Variants in MMS22L observed in about 807,000 individuals in gnomAD.
The protein encoded by MMS22L is protein MMS22-like.
In MMS22L, 74 loss-of-function variants were observed where a neutral mutation model predicts 159.1. The ratio of observed to expected loss-of-function variants is 0.47; its 90% CI spans 0.39 to 0.56. The LOEUF (loss-of-function observed/expected upper bound fraction) is 0.56, where lower values mean the gene tolerates loss of function less well. Among genes scored for constraint, MMS22L ranks in the 20% least tolerant of loss-of-function variants. The pLI is 0.00. For synonymous variants in MMS22L, 517 were observed against 506.9 expected, an observed-to-expected ratio of 1.02 and a Z score of -0.27; for missense variants, 1,351 against 1,422.1, an observed-to-expected ratio of 0.95 and a Z score of 0.80.
Position 97,145,313 on chromosome 6 carries a change from T to G in MMS22L, c.*1493A>C, listed in dbSNP as rs1205732863. The G allele has an allele frequency of 6.6e-6, 1 of 152,144 alleles. No homozygotes were observed. The highest frequency in any genetic ancestry group is 1.5e-5 in the Non-Finnish European group (1 of 68,012). The allele number at this position is 152,144 out of a possible 1,614,324, so 9.4% of individuals were successfully genotyped here. ...GAAAATAACAGACACTCCTTTGGAT[T>G]TCACAGATTATAATTAAGAGAACGC... On this transcript the variant is annotated 3_prime_UTR_variant, in exon 25 of 25. Transcript: ENST00000683635.
At chr6:97,191,699 T>A (rs1582544928) in intron 14 of MMS22L, among the ~76,000 whole-genome samples, 1 of 152,288 alleles carries the variant, frequency 6.6e-6, no homozygotes, top group East Asian at 1.9e-4. Context: ...TAAATGGGAA[T>A]CAGGACACTC....
intron 14 of MMS22L, among the ~76,000 whole-genome samples, chr6:97,221,650 T>A (rs545290601): frequency 9.9e-5 from 15 of 152,182 alleles, no homozygotes; most frequent in African/African-American, 3.6e-4. Context: ...CCCTTAGAGA[T>A]ACCCATGCTT....
chr6:97,224,894 C>A (rs1370661807), intron 14 of MMS22L, among the ~76,000 whole-genome samples: 3 of 151,584 alleles, frequency 2.0e-5, no homozygotes, highest in Admixed American at 2.0e-4. Context: ...AACCTCTATA[C>A]CTGTAAAAAT....
intron 11 of MMS22L, among the ~76,000 whole-genome samples, chr6:97,237,737 T>TA (rs1367734380): frequency 6.6e-6 from 1 of 152,152 alleles, no homozygotes; most frequent in Non-Finnish European, 1.5e-5. Context: ...AATAAACAAT[T>TA]AAGCTTATTT....
At chr6:97,180,612 T>C (rs966758480) in intron 16 of MMS22L, among the ~76,000 whole-genome samples, 2 of 152,228 alleles carry the variant, frequency 1.3e-5, no homozygotes, top group Non-Finnish European at 2.9e-5. Context: ...ACCTTATAAC[T>C]TTCCCAAAGC....
At chr6:97,186,898 G>A (rs1805302297) in intron 14 of MMS22L, among the ~76,000 whole-genome samples, 1 of 152,118 alleles carries the variant, frequency 6.6e-6, no homozygotes, top group Admixed American at 6.6e-5. Flanking sequence ...AACTACTAAT[G>A]TCAACCATTA....
At chr6:97,204,106 T>A (rs1047720349) in intron 14 of MMS22L, among the ~76,000 whole-genome samples, 1 of 152,220 alleles carries the variant, frequency 6.6e-6, no homozygotes, top group South Asian at 2.1e-4. Flanking sequence ...AAAAAATTTA[T>A]AGAAAAAGTT....
chr6:97,276,758 C>G (rs1457139738), intron 4 of MMS22L, among the ~76,000 whole-genome samples: 4 of 152,202 alleles, frequency 2.6e-5, no homozygotes, highest in Non-Finnish European at 4.4e-5. Context: ...TCTGTGAAGA[C>G]CCAGATCTGG....
chr6:97,190,603 A>G (rs955852943), intron 14 of MMS22L, among the ~76,000 whole-genome samples: 31 of 152,236 alleles, frequency 2.0e-4, no homozygotes, highest in Non-Finnish European at 4.4e-5. Context: ...GGTATTTACT[A>G]TGAGACCAGC....
intron 5 of MMS22L, 34 bp from the exon 6 acceptor site, chr6:97,272,915 G>T: frequency 6.2e-7 from 1 of 1,604,552 alleles, no homozygotes; most frequent in Non-Finnish European, 8.5e-7. Context: ...AACAACTAGA[G>T]TCTGTGTGAA....
chr6:97,185,889 G>A (rs1805174407), intron 15 of MMS22L, among the ~76,000 whole-genome samples: 1 of 151,976 alleles, frequency 6.6e-6, no homozygotes, highest in Admixed American at 6.6e-5. Flanking sequence ...ACCCCCTTGA[G>A]AAGACAATGG....
chr6:97,174,695 ACTGCT>A (rs1803952213), intron 18 of MMS22L, among the ~76,000 whole-genome samples: 1 of 152,168 alleles, frequency 6.6e-6, no homozygotes, highest in Admixed American at 6.5e-5. Context: ...AAGAGATTCC[ACTGCT>A]CCGGGTTTAG....
At chr6:97,254,361 A>T in intron 10 of MMS22L, 196 bp downstream of exon 10, 1 of 536,066 alleles carries the variant, frequency 1.9e-6, no homozygotes, top group South Asian at 2.4e-5. Context: ...TTCTACAAGT[A>T]ATTTTTTTTA....
intron 9 of MMS22L, chr6:97,261,189 G>T (rs1386219004): frequency 6.6e-6 from 1 of 152,184 alleles, no homozygotes; most frequent in African/African-American, 2.4e-5. Flanking sequence ...AAGGCTCGTG[G>T]TAAGAGCTTT....
intron 3 of MMS22L, among the ~76,000 whole-genome samples, chr6:97,279,882 A>C (rs1354138139): frequency 1.3e-5 from 2 of 152,340 alleles, no homozygotes; most frequent in African/African-American, 4.8e-5. Flanking sequence ...ATACAATAGA[A>C]GTTCAAAAAA....
At chr6:97,235,590 G>C (rs1268667398) in intron 11 of MMS22L, among the ~76,000 whole-genome samples, 1 of 152,154 alleles carries the variant, frequency 6.6e-6, no homozygotes, top group East Asian at 1.9e-4. Flanking sequence ...TGGTGAACAG[G>C]ATTGACCTCT....
chr6:97,153,525 C>T (rs1394452047), intron 22 of MMS22L, among the ~76,000 whole-genome samples: 2 of 151,890 alleles, frequency 1.3e-5, no homozygotes, highest in African/African-American at 2.4e-5. Flanking sequence ...GTGCATGCCA[C>T]CACGCCCGGC....
At chr6:97,260,022 T>C (rs2128069392) in intron 9 of MMS22L, 1 of 152,316 alleles carries the variant, frequency 6.6e-6, no homozygotes, top group East Asian at 1.9e-4. Context: ...TAAGTTGACT[T>C]TGCAAGTCTA....
chr6:97,250,872 C>A (rs1813164691), intron 10 of MMS22L, among the ~76,000 whole-genome samples: 1 of 152,146 alleles, frequency 6.6e-6, no homozygotes, highest in African/African-American at 2.4e-5. Flanking sequence ...TACTTCATAT[C>A]ATCTCTCACT....
Sources: gnomAD v4.1 joint callset for allele counts (sites outside exome capture counted in the v4.1 genomes callset) on GRCh38, gnomAD v4.1.1 for gene constraint, MANE v1.5 for transcripts, NCBI Gene and HGNC (gene_info 2026-07-23, HGNC 2026-07-21) for gene names.